Variants in MICAL3 observed in about 807,000 individuals in gnomAD.
MICAL3 encodes the protein [F-actin]-monooxygenase MICAL3.
A neutral mutation model predicts 207.4 loss-of-function variants in MICAL3; 62 were observed. The observed-to-expected ratio is 0.30, with a 90% confidence interval of 0.24 to 0.37. The LOEUF (loss-of-function observed/expected upper bound fraction) is 0.37. Among genes scored for constraint, MICAL3 ranks in the 10% least tolerant of loss-of-function variants. MICAL3 has a pLI of 1.00. For synonymous variants in MICAL3, 1,077 were observed against 1,069.3 expected (o/e 1.01, Z -0.14); for missense variants, 2,368 against 2,635.6 (o/e 0.90, Z 2.22).
chr22:18,005,763 G>T (rs1284700181), intron 1 of MICAL3: 2 of 152,188 alleles, frequency 1.3e-5, no homozygotes, highest in Non-Finnish European at 2.9e-5. Flanking sequence ...AATGAAGAAG[G>T]GACTTCTGTG....
rs867464798 is a variant in MICAL3 at position 17,899,228 on chromosome 22, A to G, written c.948+220T>C. ...GTGAAAGCTGGACGGTAGGTACGTG[A>G]GGGTTCATTACACTATTCTCCCCCC... On this transcript the variant is annotated intron_variant, in intron 7 of 31. Transcript: ENST00000441493. 4.4e-5 allele frequency: 27 copies of G among 618,244 alleles called. No individual in the cohort carries two copies. In the Middle Eastern group the frequency reaches 1.3e-3, roughly 30 times the overall value. The allele number at this position is 618,244 out of a possible 1,614,324, so 38.3% of individuals were successfully genotyped here. A position where few individuals can be genotyped will look rare whatever the true frequency, so the allele number is the denominator to read the frequency against.
intron 20 of MICAL3, chr22:17,834,290 T>C: frequency 3.6e-6 from 4 of 1,119,392 alleles, no homozygotes; most frequent in South Asian, 1.9e-5. Context: ...GACAAAAGAA[T>C]ATACTGCAAG....
At chr22:17,930,227 A>G (rs1319695572) in intron 1 of MICAL3, among the ~76,000 whole-genome samples, 1 of 152,240 alleles carries the variant, frequency 6.6e-6, no homozygotes. Context: ...TCGTACAACC[A>G]CTATGGAAAA....
chr22:17,797,654 C>T (rs149519802), intron 29 of MICAL3, among the ~76,000 whole-genome samples: 123 of 152,318 alleles, frequency 8.1e-4, no homozygotes, highest in Middle Eastern at 3.4e-3. Flanking sequence ...TTCTATTTGA[C>T]CCACTGGCTT....
At chr22:17,962,580 A>G (rs1934960299) in intron 1 of MICAL3, among the ~76,000 whole-genome samples, 1 of 152,202 alleles carries the variant, frequency 6.6e-6, no homozygotes, top group African/African-American at 2.4e-5. Context: ...AGCACAAGAA[A>G]AAAGGGGATG....
Position 17,817,920 on chromosome 22 carries a change from C to G in MICAL3, c.4741G>C (p.Gly1581Arg). ...LEGTLQPQKR[G>R]LPLVSAEAKE... ...GCTTCCGCGGACACCAAGGGCAGCC[C>G]CCTCTTCTGTGGCTGCAGCGTCCCC... The change falls in exon 26 of 32, where the codon GGG becomes CGG. Residue 1581 changes from glycine to arginine, a missense_variant. Coordinates refer to ENST00000441493, the MANE Select transcript of MICAL3 (RefSeq NM_015241.3). The G allele has an allele frequency of 6.2e-7, 1 of 1,612,576 alleles. No homozygotes were observed. The highest frequency in any genetic ancestry group is 8.5e-7 in the Non-Finnish European group (1 of 1,179,792).
chr22:17,928,919 C>A (rs1438488703), intron 1 of MICAL3, among the ~76,000 whole-genome samples: 2 of 152,024 alleles, frequency 1.3e-5, no homozygotes, highest in East Asian at 3.9e-4. Context: ...CTCAGCCTCC[C>A]AAGTAGCTGG....
chr22:17,861,041 T>A, intron 19 of MICAL3: 1 of 985,464 alleles, frequency 1.0e-6, no homozygotes, highest in Non-Finnish European at 1.2e-6. Flanking sequence ...CCGTCAGCTA[T>A]GGCTCTTGGG....
chr22:18,012,234 C>CA (rs1049888860), intron 1 of MICAL3, among the ~76,000 whole-genome samples: 1 of 151,798 alleles, frequency 6.6e-6, no homozygotes. Flanking sequence ...GGCTCTGACT[C>CA]AAAAAAAATT....
intron 19 of MICAL3, chr22:17,842,554 A>T (rs1924134659): frequency 1.2e-5 from 2 of 161,426 alleles, no homozygotes; most frequent in African/African-American, 4.8e-5. Context: ...TCACAGTTAG[A>T]TAAGGCACTT....
chr22:18,004,137 T>C (rs1290157040), intron 1 of MICAL3: 1 of 152,234 alleles, frequency 6.6e-6, no homozygotes, highest in Non-Finnish European at 1.5e-5. Context: ...CTCTGGAAAG[T>C]GCATCCCTCC....
Position 17,888,190 on chromosome 22 carries a change from T to G in MICAL3, c.1892-755A>C, listed in dbSNP as rs561388224. 8.5e-5 allele frequency among the ~76,000 whole-genome samples: 13 copies of G among 152,266 alleles called. 1 individual carries two copies. In the South Asian group the frequency reaches 2.7e-3, roughly 32 times the overall value. On this transcript the variant is annotated intron_variant, in intron 13 of 31. Transcript: ENST00000441493. ...CCCCATTTTACACCCGTTACCCCAT[T>G]TTACAAGATAGGTTGACGGAAAGTG...
At chr22:17,853,112 T>A (rs955516041) in intron 19 of MICAL3, among the ~76,000 whole-genome samples, 12 of 151,372 alleles carry the variant, frequency 7.9e-5, no homozygotes, top group Non-Finnish European at 2.9e-5. Context: ...TTAATGTAAA[T>A]CCTGTGTAGG....
chr22:17,819,208 T>C, intron 25 of MICAL3, 79 bp from the exon 26 acceptor site: 1 of 1,369,040 alleles, frequency 7.3e-7, no homozygotes, highest in East Asian at 2.5e-5. Context: ...GCCTTCTCAC[T>C]CAAAGTGCCT....
intron 1 of MICAL3, among the ~76,000 whole-genome samples, chr22:17,965,140 A>G (rs1935087070): frequency 6.8e-6 from 1 of 146,312 alleles, no homozygotes; most frequent in African/African-American, 2.5e-5. Context: ...TAAAAAGAAG[A>G]GAGTTTGAGA....
chr22:17,899,609 G>C, intron 6 of MICAL3, 61 bp from the exon 7 acceptor site: 1 of 1,106,204 alleles, frequency 9.0e-7, no homozygotes, highest in South Asian at 1.3e-5. Context: ...CATCAGGGCA[G>C]GCTGAAAGGT....
At chr22:17,911,202 G>A (rs745408653) in intron 1 of MICAL3, among the ~76,000 whole-genome samples, 8 of 152,128 alleles carry the variant, frequency 5.3e-5, no homozygotes, top group Non-Finnish European at 1.2e-4. Flanking sequence ...ACATGGTTAT[G>A]TTTCTATTTA....
At chr22:17,857,958 C>G (rs1482175315) in intron 19 of MICAL3, among the ~76,000 whole-genome samples, 1 of 152,188 alleles carries the variant, frequency 6.6e-6, no homozygotes, top group Non-Finnish European at 1.5e-5. Context: ...TGCCCACTGT[C>G]CTTCTTGGAG....
rs182472750 is a variant in MICAL3 at position 17,855,799 on chromosome 22, G to A, written c.2605+9100C>T. Among the ~76,000 whole-genome samples, 3 of 152,314 alleles carry A rather than the reference G, an allele frequency of 2.0e-5. No homozygotes were observed. The East Asian group carries it at 5.8e-4, about 29-fold the overall frequency. On this transcript the variant is annotated intron_variant, in intron 19 of 31. Transcript: ENST00000441493. ...GGATGGTTGTCAAATTGGGAGACCT[G>A]TATTTTCCAGGAATAATGAAATGGA...
Sources: allele counts gnomAD v4.1 joint callset (sites outside exome capture counted in the v4.1 genomes callset), GRCh38; gene constraint gnomAD v4.1.1; transcripts MANE v1.5; gene names NCBI Gene and HGNC (gene_info 2026-07-23, HGNC 2026-07-21).